PAPSS2: variants seen among roughly 807,000 people sequenced by gnomAD.
The protein encoded by PAPSS2 is 3'-phosphoadenosine 5'-phosphosulfate synthase 2.
Under a neutral mutation model 66.5 loss-of-function variants are expected in PAPSS2, and 61 were observed. That is an observed-to-expected ratio of 0.92 (90% CI 0.75 to 1.14). The LOEUF (loss-of-function observed/expected upper bound fraction) is 1.14, where lower values mean the gene tolerates loss of function less well. PAPSS2 is among the 50% of genes most tolerant of loss of function. The pLI is 0.00. For synonymous variants in PAPSS2, 289 were observed against 287.5 expected, an observed-to-expected ratio of 1.01 and a Z score of -0.05; for missense variants, 708 against 789.6, an observed-to-expected ratio of 0.90 and a Z score of 1.24.
chr10:87,713,272 C>A lies in PAPSS2; in HGVS notation c.343C>A (p.Leu115Met). 1 of 1,393,402 alleles carries A rather than the reference C, an allele frequency of 7.2e-7. No individual in the cohort carries two copies. Among genetic ancestry groups the A allele is most frequent in the South Asian group, 1.2e-5 (1 of 86,134 alleles). The allele number at this position is 1,393,402 out of a possible 1,614,324, so 86.3% of individuals were successfully genotyped here. The change falls in exon 3 of 13, where the codon CTG becomes ATG. Residue 115 changes from leucine to methionine, a missense_variant. Transcript: ENST00000456849. ...EVAKLFADAG[L>M]VCITSFISPF... ...GGCTAAGCTGTTTGCTGATGCTGGT[C>A]TGGTCTGCATTACCAGCTTTATTTC...
At chr10:87,696,011 C>T (rs1041875561) in intron 1 of PAPSS2, among the ~76,000 whole-genome samples, 30 of 152,240 alleles carry the variant, frequency 2.0e-4, no homozygotes, top group African/African-American at 5.3e-4. Context: ...TCTGGCTTCA[C>T]GTGATGGCTT....
At chr10:87,674,709 A>G (rs1373660218) in intron 1 of PAPSS2, among the ~76,000 whole-genome samples, 1 of 152,246 alleles carries the variant, frequency 6.6e-6, no homozygotes, top group Non-Finnish European at 1.5e-5. Context: ...AATTAAGATT[A>G]TAACTGTCTA....
At chr10:87,729,651 A>G (rs576988982) in intron 9 of PAPSS2, among the ~76,000 whole-genome samples, 12 of 152,340 alleles carry the variant, frequency 7.9e-5, no homozygotes, top group Non-Finnish European at 1.3e-4. Context: ...AGACTCACAC[A>G]TCTCTCACTT....
At chr10:87,682,211 A>G (rs1853029773) in intron 1 of PAPSS2, among the ~76,000 whole-genome samples, 1 of 152,224 alleles carries the variant, frequency 6.6e-6, no homozygotes, top group Non-Finnish European at 1.5e-5. Flanking sequence ...AGACCCTAGT[A>G]TTTCAAAGGC....
At chr10:87,671,362 A>G (rs1373410523) in intron 1 of PAPSS2, among the ~76,000 whole-genome samples, 1 of 152,214 alleles carries the variant, frequency 6.6e-6, no homozygotes, top group Non-Finnish European at 1.5e-5. Context: ...TAGAAGATGT[A>G]GATTTTAGCA....
chr10:87,713,100 G>T lies in PAPSS2; in HGVS notation c.171G>T (p.Thr57=), dbSNP rs765160394. 5.6e-6 allele frequency: 9 copies of T among 1,612,028 alleles called. No homozygotes were observed. The Admixed American group carries it at 1.3e-4, about 24-fold the overall frequency. ...GTCTCTCTGGTGCTGGAAAAACAAC[G>T]ATAAGTTTTGCCCTGGAGGAGTACC... The part of the protein sequence containing the change: ...LTGLSGAGKT[T]ISFALEEYLV... Residue 57 remains threonine, a synonymous_variant, in exon 3 of 13, where the codon ACG becomes ACT. Coordinates refer to ENST00000456849, the MANE Select transcript of PAPSS2 (RefSeq NM_001015880.2).
chr10:87,736,366 C>A (rs539026225), intron 9 of PAPSS2, among the ~76,000 whole-genome samples: 1 of 146,488 alleles, frequency 6.8e-6, no homozygotes, highest in East Asian at 2.1e-4. Flanking sequence ...CTCCCAGGTT[C>A]AAGTGATTCT....
rs1261054246 is a variant in PAPSS2 at position 87,713,202 on chromosome 10, C to T, written c.273C>T (p.Phe91=). Residue 91 remains phenylalanine, a synonymous_variant, in exon 3 of 13, where the codon TTC becomes TTT. Coordinates refer to ENST00000456849, the MANE Select transcript of PAPSS2 (RefSeq NM_001015880.2). ...VRHGLNRNLG[F]SPGDREENIR... The stretch of plus-strand genomic sequence containing the variant: ...ATGGCCTTAACAGAAATCTCGGATT[C>T]TCTCCTGGGGACAGAGAGGAAAATA... The T allele has an allele frequency of 6.2e-7, 1 of 1,611,112 alleles. No homozygotes were observed. Among genetic ancestry groups the T allele is most frequent in the East Asian group, 2.2e-5 (1 of 44,734 alleles).
intron 8 of PAPSS2, among the ~76,000 whole-genome samples, chr10:87,724,481 G>A (rs1853633234): frequency 6.6e-6 from 1 of 151,468 alleles, no homozygotes; most frequent in African/African-American, 2.4e-5. Flanking sequence ...TGTATAGTCA[G>A]GGTTCTCCAG....
In PAPSS2 at chr10:87,660,917, C is replaced by G. The variant is rs1482431201; in HGVS notation, c.27+909C>G. 4 of 453,320 alleles carry G rather than the reference C, an allele frequency of 8.8e-6. 1 individual carries two copies. Among genetic ancestry groups the G allele is most frequent in the Non-Finnish European group, 1.8e-5 (4 of 225,742 alleles). The allele number at this position is 453,320 out of a possible 1,614,324, so 28.1% of individuals were successfully genotyped here. On this transcript the variant is annotated intron_variant, in intron 1 of 12. Coordinates refer to ENST00000456849, the MANE Select transcript of PAPSS2 (RefSeq NM_001015880.2). ...GGCCACGTCAGATGTGGTCAGCAAG[C>G]CTTGATAAAATCCTACTCAGCAGTT... is the stretch of plus-strand genomic sequence containing the variant.
At chr10:87,690,282 T>C (rs1490838447) in intron 1 of PAPSS2, among the ~76,000 whole-genome samples, 1 of 152,146 alleles carries the variant, frequency 6.6e-6, no homozygotes, top group African/African-American at 2.4e-5. Context: ...TCTGTACTGA[T>C]GTGGAAAGAT....
chr10:87,744,311 A>G (rs1043150244), intron 11 of PAPSS2, among the ~76,000 whole-genome samples: 1 of 152,216 alleles, frequency 6.6e-6, no homozygotes, highest in African/African-American at 2.4e-5. Flanking sequence ...TTTAAAAGAT[A>G]AATGTCACCC....
chr10:87,703,242 T>C (rs374311744), intron 1 of PAPSS2, among the ~76,000 whole-genome samples: 7,284 of 110,186 alleles, frequency 0.066, 229 homozygotes, highest in South Asian at 0.17. Flanking sequence ...CAGCCGGGCT[T>C]TAATACAGAG....
chr10:87,726,930 T>C (rs897725869), intron 8 of PAPSS2, among the ~76,000 whole-genome samples: 14 of 152,218 alleles, frequency 9.2e-5, no homozygotes, highest in African/African-American at 3.4e-4. Flanking sequence ...TTAATTTTAT[T>C]TAATTGGGTT....
At chr10:87,664,164 C>T (rs1167017887) in intron 1 of PAPSS2, among the ~76,000 whole-genome samples, 1 of 152,212 alleles carries the variant, frequency 6.6e-6, no homozygotes, top group Non-Finnish European at 1.5e-5. Flanking sequence ...TGAAGAGATC[C>T]TCCTGCCTTG....
intron 1 of PAPSS2, among the ~76,000 whole-genome samples, chr10:87,688,443 T>TTTTATTTTATTTAATTTATTTA (rs541821509): frequency 1.4e-5 from 2 of 138,080 alleles, no homozygotes; most frequent in Admixed American, 7.3e-5. Context: ...TTCTTTTTTA[T>TTTTATTTTATTTAATTTATTTA]TTTATTTATT....
Position 87,715,021 on chromosome 10 carries a change from G to T in PAPSS2, c.676G>T (p.Glu226Ter). The T allele has an allele frequency of 1.2e-6, 2 of 1,612,884 alleles. No individual in the cohort carries two copies. The highest frequency in any genetic ancestry group is 1.7e-6 in the Non-Finnish European group (2 of 1,178,982). ...CTATACTATAATCAAAGATATCCAC[G>T]AACTCTTTGTGCCGGAAAACAAACT... ...VPYTIIKDIH[E>*]LFVPENKLDH... Residue 226 changes from glutamate to a stop codon, truncating the protein, a stop_gained, in exon 6 of 13, where the codon GAA becomes TAA. Coordinates refer to ENST00000456849, the MANE Select transcript of PAPSS2 (RefSeq NM_001015880.2). LOFTEE classifies it high-confidence loss of function.
intron 1 of PAPSS2, among the ~76,000 whole-genome samples, chr10:87,680,357 G>C (rs1447189843): frequency 6.6e-6 from 1 of 152,138 alleles, no homozygotes; most frequent in Non-Finnish European, 1.5e-5. Flanking sequence ...AATTGAAAAT[G>C]GTGGTGTGGG....
In PAPSS2 at chr10:87,723,758, A is replaced by G. The variant is rs116525142; in HGVS notation, c.880+1988A>G. On this transcript the variant is annotated intron_variant, in intron 8 of 12. Transcript: ENST00000456849. ...AAAGGTGCAAAGTGATATGCCTGGA[A>G]AGTTTAGTTTCATAACTACTAGGGG... Among the ~76,000 whole-genome samples the G allele has an allele frequency of 3.6e-3, 554 of 152,292 alleles. 5 individuals carry two copies. The highest frequency in any genetic ancestry group is 0.013 in the African/African-American group (534 of 41,564).
Sources: gnomAD v4.1 joint callset for allele counts (sites outside exome capture counted in the v4.1 genomes callset) on GRCh38, gnomAD v4.1.1 for gene constraint, MANE v1.5 for transcripts, NCBI Gene and HGNC (gene_info 2026-07-23, HGNC 2026-07-21) for gene names.